The following VSIG10 variants were observed in gnomAD, a reference collection of about 807,000 sequenced individuals.
VSIG10 encodes V-set and immunoglobulin domain-containing protein 10.
Under a neutral mutation model 58.7 loss-of-function variants are expected in VSIG10, and 48 were observed. That is an observed-to-expected ratio of 0.82 (90% CI 0.65 to 1.04). The LOEUF is 1.04. VSIG10 is among the 50% of genes least tolerant of loss of function. VSIG10 has a pLI of 0.00. For synonymous variants in VSIG10, 260 were observed against 267.1 expected (o/e 0.97, Z 0.26); for missense variants, 628 against 670.0 (o/e 0.94, Z 0.69).
At position 118,103,593 on chromosome 12, in the gene VSIG10, C is replaced by A. The variant is rs890138504; in HGVS notation, c.79G>T (p.Gly27Ter). The change falls in exon 1 of 9, where the codon GGA becomes TGA. Residue 27 changes from glycine (G) to a stop codon, truncating the protein, a stop_gained and splice_region_variant. Transcript: ENST00000359236. LOFTEE classifies it high-confidence loss of function. ...GALLAGWVAV[G>*]LEAVVIGEVH... ...TTCCCTCCAGATCGCGGCCCCTTAC[C>A]TACGGCGACCCAGCCGGCCAGGAGC... 2.0e-6 allele frequency: 3 copies of A among 1,521,928 alleles called. No homozygotes were observed. In the African/African-American group the frequency reaches 4.3e-5, roughly 22 times the overall value. 94.3% of individuals were successfully genotyped at this position (1,521,928 alleles called of 1,614,324 possible).
At position 118,079,404 on chromosome 12, in the gene VSIG10, C is replaced by G; in HGVS notation, c.867G>C (p.Lys289Asn). 6.2e-7 allele frequency: 1 copy of G among 1,614,050 alleles called. No individual in the cohort carries two copies. The highest frequency in any genetic ancestry group is 8.5e-7 in the Non-Finnish European group (1 of 1,179,906). Residue 289 changes from lysine to asparagine, a missense_variant, in exon 4 of 9, where the codon AAG becomes AAC. Transcript: ENST00000359236. The part of the protein sequence containing the change: ...ESQLSDGKKF[K>N]CVTSHIVGPE... Reference sequence around the variant, plus strand: ...GCCCAACTATGTGGCTTGTAACACACTTGAACTTCTTGCCATCCGACAGCT... The same window carrying G: ...GCCCAACTATGTGGCTTGTAACACAGTTGAACTTCTTGCCATCCGACAGCT...
At chr12:118,079,010 C>T (rs2032840802) in intron 4 of VSIG10, among the ~76,000 whole-genome samples, 1 of 143,504 alleles carries the variant, frequency 7.0e-6, no homozygotes, top group East Asian at 2.2e-4. Context: ...TCCTTTACAG[C>T]AACAGTAAAT....
chr12:118,074,369 C>A (rs888530838), intron 4 of VSIG10, among the ~76,000 whole-genome samples: 1 of 152,200 alleles, frequency 6.6e-6, no homozygotes, highest in Non-Finnish European at 1.5e-5. Flanking sequence ...CAGGCGTGAG[C>A]CACCGCATCC....
chr12:118,085,895 G>A (rs1044812377), intron 2 of VSIG10, among the ~76,000 whole-genome samples: 7 of 150,114 alleles, frequency 4.7e-5, no homozygotes, highest in African/African-American at 1.7e-4. Flanking sequence ...GATGGCTCAC[G>A]CCTGTAATCC....
At chr12:118,082,803 C>A (rs982335460) in intron 2 of VSIG10, among the ~76,000 whole-genome samples, 3 of 150,262 alleles carry the variant, frequency 2.0e-5, no homozygotes, top group Non-Finnish European at 3.0e-5. Flanking sequence ...ATAGTGAGAC[C>A]CCATTTCTAC....
At chr12:118,073,330 G>A (rs906345816) in intron 5 of VSIG10, among the ~76,000 whole-genome samples, 11 of 152,084 alleles carry the variant, frequency 7.2e-5, no homozygotes, top group Non-Finnish European at 8.8e-5. Flanking sequence ...CAGCCCTATC[G>A]TTGTTTCCAA....
chr12:118,071,157 C>T (rs749389937), intron 6 of VSIG10, 90 bp from the exon 7 acceptor site: 1 of 1,456,028 alleles, frequency 6.9e-7, no homozygotes, highest in Non-Finnish European at 9.5e-7. Context: ...ACTAGAGGAA[C>T]AAATAAGAAA....
rs1011220143 is a variant in VSIG10, at chr12:118,103,871, G to C, written c.-200C>G. ...GGCAGCGGAGCTCGGCTGCAGGCTC[G>C]GGTCCCCGCTCCCGAGCGCCCTGGC... On this transcript the variant is annotated 5_prime_UTR_variant, in exon 1 of 9. Coordinates refer to ENST00000359236, the MANE Select transcript of VSIG10 (RefSeq NM_019086.6). 1 of 462,922 alleles carries C rather than the reference G, an allele frequency of 2.2e-6. No homozygotes were observed. Among genetic ancestry groups the C allele is most frequent in the Non-Finnish European group, 3.7e-6 (1 of 273,552 alleles). The allele number at this position is 462,922 out of a possible 1,614,324, so 28.7% of individuals were successfully genotyped here. A position where few individuals can be genotyped will look rare whatever the true frequency, so the allele number is the denominator to read the frequency against.
At chr12:118,087,588 G>A (rs2033163813) in intron 2 of VSIG10, among the ~76,000 whole-genome samples, 1 of 152,040 alleles carries the variant, frequency 6.6e-6, no homozygotes, top group Non-Finnish European at 1.5e-5. Context: ...TGTAAGCCCA[G>A]CACTTTGGGA....
At chr12:118,085,919 G>A (rs1166081598) in intron 2 of VSIG10, among the ~76,000 whole-genome samples, 1 of 151,728 alleles carries the variant, frequency 6.6e-6, no homozygotes, top group South Asian at 2.1e-4. Flanking sequence ...CACTTTGGGA[G>A]CCCAAGGCGT....
intron 1 of VSIG10, among the ~76,000 whole-genome samples, chr12:118,100,498 A>G (rs968223528): frequency 1.3e-5 from 2 of 150,864 alleles, no homozygotes; most frequent in East Asian, 1.9e-4. Flanking sequence ...CTCTGTCTCA[A>G]AAAAAAAAGC....
At position 118,082,264 on chromosome 12, in the gene VSIG10, G is replaced by C. The variant is rs374886051; in HGVS notation, c.527C>G (p.Ser176Cys). The C allele has an allele frequency of 1.1e-5, 18 of 1,613,866 alleles. No homozygotes were observed. The African/African-American group carries it at 1.6e-4, about 14-fold the overall frequency. The change falls in exon 3 of 9, where the codon TCC (serine) becomes TGC (cysteine). Residue 176 changes from serine to cysteine, a missense_variant. By Grantham distance (112) the Ser-to-Cys change is moderately radical. Coordinates refer to ENST00000359236, the MANE Select transcript of VSIG10 (RefSeq NM_019086.6). ...WFQALNSSSE[S>C]FGHNLTVNFF... ...GTTGACTGTCAGGTTGTGGCCAAAG[G>C]ACTCGCTGCTGGAATTCAGGGCCTG...
intron 4 of VSIG10, among the ~76,000 whole-genome samples, chr12:118,075,775 C>G (rs1435323369): frequency 6.6e-6 from 1 of 151,416 alleles, no homozygotes; most frequent in Non-Finnish European, 1.5e-5. Flanking sequence ...CACAGCAACC[C>G]TGTTATTATG....
chr12:118,068,137 T>C lies in VSIG10; in HGVS notation c.1567+240A>G, dbSNP rs1447593564. Among the ~76,000 whole-genome samples the C allele has an allele frequency of 9.1e-5, 13 of 142,620 alleles. No homozygotes were observed. The East Asian group carries it at 2.0e-3, about 22-fold the overall frequency. 93.6% of individuals were successfully genotyped at this position (142,620 alleles called of 152,430 possible). On this transcript the variant is annotated intron_variant, in intron 8 of 8. Transcript: ENST00000359236. ...TGGACTTCCTACACTCAAGTGATCC[T>C]CAGCCTCCCAAGTAGCTGGGAACAC... is the stretch of plus-strand genomic sequence containing the variant.
intron 4 of VSIG10, among the ~76,000 whole-genome samples, chr12:118,074,873 T>A (rs1366321770): frequency 6.6e-6 from 1 of 152,186 alleles, no homozygotes; most frequent in Non-Finnish European, 1.5e-5. Flanking sequence ...CTGAGTCGTG[T>A]GACGAAATCT....
chr12:118,068,254 T>A, intron 8 of VSIG10, 123 bp downstream of exon 8: 3 of 860,410 alleles, frequency 3.5e-6, no homozygotes, highest in Middle Eastern at 3.4e-4. Context: ...AGGCTAGTCT[T>A]GAACTTCTGG....
At chr12:118,096,439 G>A (rs963362960) in intron 1 of VSIG10, among the ~76,000 whole-genome samples, 3 of 151,754 alleles carry the variant, frequency 2.0e-5, no homozygotes, top group Admixed American at 1.3e-4. Context: ...TCAGCTGGGC[G>A]TGGTAGCACA....
At chr12:118,081,154 C>T (rs2032934681) in intron 3 of VSIG10, among the ~76,000 whole-genome samples, 2 of 151,934 alleles carry the variant, frequency 1.3e-5, no homozygotes, top group Middle Eastern at 3.4e-3. Flanking sequence ...GGTGTGAGAA[C>T]TGAATTGCTT....
rs553593087 is a variant in VSIG10, at chr12:118,066,445, C to T, written c.*194G>A. ...TAAACATCATTGGGAAAACTTAGAG[C>T]AAATCAAACCAATGTTTTTCAATAC... On this transcript the variant is annotated 3_prime_UTR_variant, in exon 9 of 9. Transcript: ENST00000359236. 1.6e-6 allele frequency: 1 copy of T among 621,728 alleles called. No individual in the cohort carries two copies. Among genetic ancestry groups the T allele is most frequent in the South Asian group, 1.8e-5 (1 of 54,106 alleles). 38.5% of individuals were successfully genotyped at this position (621,728 alleles called of 1,614,324 possible).
Sources: gnomAD v4.1 joint callset for allele counts (sites outside exome capture counted in the v4.1 genomes callset) on GRCh38, gnomAD v4.1.1 for gene constraint, MANE v1.5 for transcripts, NCBI Gene and HGNC (gene_info 2026-07-23, HGNC 2026-07-21) for gene names.